The following SLC25A24 variants were observed in gnomAD, a reference collection of about 807,000 sequenced individuals.
The protein encoded by SLC25A24 is mitochondrial adenyl nucleotide antiporter SLC25A24.
A neutral mutation model predicts 60.7 loss-of-function variants in SLC25A24; 49 were observed. The observed-to-expected ratio is 0.81, with a 90% CI of 0.64 to 1.02. The LOEUF (loss-of-function observed/expected upper bound fraction) is 1.02, where lower values mean the gene tolerates loss of function less well. SLC25A24 is among the 50% of genes least tolerant of loss of function. SLC25A24 has a pLI of 0.00. For missense variants in SLC25A24, 564 were observed against 586.3 expected (o/e 0.96, Z 0.39); for synonymous variants, 202 against 200.6 (o/e 1.01, Z -0.06).
intron 8 of SLC25A24, among the ~76,000 whole-genome samples, chr1:108,141,232 A>G (rs974735635): frequency 6.6e-6 from 1 of 152,196 alleles, no homozygotes; most frequent in Non-Finnish European, 1.5e-5. Context: ...TCACTTTACC[A>G]GGAAGAAATT....
intron 3 of SLC25A24, among the ~76,000 whole-genome samples, chr1:108,178,059 A>T (rs1647755929): frequency 6.6e-6 from 1 of 152,124 alleles, no homozygotes; most frequent in Non-Finnish European, 1.5e-5. Flanking sequence ...GCGACTCGGG[A>T]GGCTGAGGCA....
At chr1:108,197,201 C>T (rs1473379584) in intron 1 of SLC25A24, among the ~76,000 whole-genome samples, 1 of 152,138 alleles carries the variant, frequency 6.6e-6, no homozygotes, top group African/African-American at 2.4e-5. Context: ...TTCTGGAACA[C>T]TTAGTAATGG....
chr1:108,182,168 T>C lies in SLC25A24; in HGVS notation c.311-140A>G. On this transcript the variant is annotated intron_variant, in intron 2 of 9. Transcript: ENST00000565488. Reference sequence around the variant, plus strand: ...TGTGCATGTAGGTGAGTTATAGACTTGCTTAAATGCCTATCCCAACATCAA... The same window carrying C: ...TGTGCATGTAGGTGAGTTATAGACTCGCTTAAATGCCTATCCCAACATCAA... The C allele has an allele frequency of 5.3e-6, 3 of 564,868 alleles. 1 individual carries two copies. Among genetic ancestry groups the C allele is most frequent in the Non-Finnish European group, 9.5e-6 (3 of 314,376 alleles). 35.0% of individuals were successfully genotyped at this position (564,868 alleles called of 1,614,324 possible). A position where few individuals can be genotyped will look rare whatever the true frequency, so the allele number is the denominator to read the frequency against.
rs1679276499 is a variant in SLC25A24, at chr1:108,136,159, A to G, written c.*494T>C. 6.6e-6 allele frequency: 1 copy of G among 152,446 alleles called. No individual in the cohort carries two copies. The highest frequency in any genetic ancestry group is 2.1e-4 in the South Asian group (1 of 4,838). 9.4% of individuals were successfully genotyped at this position (152,446 alleles called of 1,614,324 possible). On this transcript the variant is annotated 3_prime_UTR_variant, in exon 10 of 10. Transcript: ENST00000565488. ...AAATAAGGACATAAACCCTATACTT[A>G]TTTGGATGCTTTTGCTGTAAGGTAT...
At chr1:108,171,865 T>G (rs148333180) in intron 3 of SLC25A24, among the ~76,000 whole-genome samples, 28 of 152,356 alleles carry the variant, frequency 1.8e-4, no homozygotes, top group African/African-American at 6.7e-4. Flanking sequence ...AATTTTGTTA[T>G]AGTCACAAGA....
At chr1:108,198,859 TTGGACATGG>T (rs1252624841) in intron 1 of SLC25A24, 1 of 152,238 alleles carries the variant, frequency 6.6e-6, no homozygotes, top group Non-Finnish European at 1.5e-5. Context: ...CAGCCAATGA[TTGGACATGG>T]TGGGGAACTC....
At position 108,143,718 on chromosome 1, in the gene SLC25A24, T is replaced by TAA; in HGVS notation, c.931-10_931-9dup. On this transcript the variant is annotated splice_polypyrimidine_tract_variant and intron_variant, in intron 7 of 9. Coordinates refer to ENST00000565488, the MANE Select transcript of SLC25A24 (RefSeq NM_013386.5). ...CAGCCTGGTTTTCATAACCTGGATA[T>TAA]AAAAAAAAACAAAATATGATTGTTC... 4 of 1,577,006 alleles carry TAA rather than the reference T, an allele frequency of 2.5e-6. No homozygotes were observed. The highest frequency in any genetic ancestry group is 1.4e-5 in the African/African-American group (1 of 72,828).
intron 1 of SLC25A24, among the ~76,000 whole-genome samples, chr1:108,189,119 C>T (rs758716225): frequency 2.6e-5 from 4 of 152,172 alleles, no homozygotes; most frequent in Admixed American, 1.3e-4. Context: ...TTTTCACTAA[C>T]ATTTTGGAAG....
intron 6 of SLC25A24, among the ~76,000 whole-genome samples, chr1:108,151,002 A>AC (rs1394183399): frequency 1.5e-5 from 1 of 65,870 alleles, no homozygotes; most frequent in African/African-American, 6.0e-5. Flanking sequence ...GGAGTTTGAA[A>AC]CCAGCCTGGC....
At chr1:108,192,438 G>A in intron 1 of SLC25A24, 6 of 1,286,238 alleles carry the variant, frequency 4.7e-6, no homozygotes, top group Non-Finnish European at 6.5e-6. Flanking sequence ...TCTGCCCAAT[G>A]CCTCTCCAGG....
Position 108,139,217 on chromosome 1 carries a change from GAAAT to G in SLC25A24, c.1099-13_1099-10del. Reference sequence around the variant, plus strand: ...CAATAGGACTTCAAGAGCTGCCAGAGAAATAAAGAAGAAAATAATTAACGAACTC... The same window carrying G: ...CAATAGGACTTCAAGAGCTGCCAGAGAAAGAAGAAAATAATTAACGAACTC... On this transcript the variant is annotated splice_polypyrimidine_tract_variant and intron_variant, in intron 8 of 9. Coordinates refer to ENST00000565488, the MANE Select transcript of SLC25A24 (RefSeq NM_013386.5). 3 of 1,579,030 alleles carry G rather than the reference GAAAT, an allele frequency of 1.9e-6. No homozygotes were observed. The highest frequency in any genetic ancestry group is 2.6e-6 in the Non-Finnish European group (3 of 1,166,276).
rs1346646532 is a variant in SLC25A24 at position 108,193,282 on chromosome 1, C to G, written c.183+6674G>C. Among the ~76,000 whole-genome samples the G allele has an allele frequency of 2.9e-5, 4 of 137,912 alleles. 1 individual carries two copies. The highest frequency in any genetic ancestry group is 1.0e-4 in the African/African-American group (4 of 39,746). 90.5% of individuals were successfully genotyped at this position (137,912 alleles called of 152,430 possible). On this transcript the variant is annotated intron_variant, in intron 1 of 9. Coordinates refer to ENST00000565488, the MANE Select transcript of SLC25A24 (RefSeq NM_013386.5). ...TTTGAGCTCCTAATCGTGCCATCAC[C>G]CAGGTTGTGAACAAAGTACCCAGTA...
intron 5 of SLC25A24, 77 bp downstream of exon 5, chr1:108,157,385 T>G: frequency 2.1e-6 from 3 of 1,462,870 alleles, no homozygotes; most frequent in Non-Finnish European, 2.8e-6. Context: ...ATTTTAAAAC[T>G]TCTTTTTCAA....
intron 1 of SLC25A24, chr1:108,199,699 C>T: frequency 3.7e-6 from 2 of 544,102 alleles, no homozygotes; most frequent in Admixed American, 7.0e-5. Context: ...TAACAGTGCC[C>T]GTGGGCCAGA....
intron 4 of SLC25A24, among the ~76,000 whole-genome samples, chr1:108,159,724 T>G (rs906122677): frequency 7.2e-5 from 11 of 151,782 alleles, no homozygotes; most frequent in African/African-American, 2.7e-4. Context: ...TGCACCGCCC[T>G]TAATCCATTT....
intron 3 of SLC25A24, among the ~76,000 whole-genome samples, chr1:108,176,128 A>G (rs768952063): frequency 2.0e-5 from 3 of 152,184 alleles, no homozygotes. Context: ...ATTCAATGAA[A>G]TTAGGAAAAT....
Position 108,200,269 on chromosome 1 carries a change from G to A in SLC25A24, c.-131C>T. On this transcript the variant is annotated 5_prime_UTR_variant, in exon 1 of 10. Transcript: ENST00000565488. ...CAACAGCGTTTGGGGCGCCGTCGGG[G>A]TTGCGGCTGCGGCGCGCAGGGCGCA... 12 of 887,790 alleles carry A rather than the reference G, an allele frequency of 1.4e-5. No individual in the cohort carries two copies. The highest frequency in any genetic ancestry group is 3.4e-5 in the East Asian group (1 of 29,264). The allele number at this position is 887,790 out of a possible 1,614,324, so 55.0% of individuals were successfully genotyped here.
intron 9 of SLC25A24, among the ~76,000 whole-genome samples, chr1:108,137,356 A>C (rs1460163731): frequency 6.6e-6 from 1 of 152,186 alleles, no homozygotes; most frequent in Non-Finnish European, 1.5e-5. Flanking sequence ...CTTGGGAAAA[A>C]GCACAAAGAC....
chr1:108,200,121 C>T lies in SLC25A24; in HGVS notation c.18G>A (p.Arg6=). The T allele has an allele frequency of 6.4e-7, 1 of 1,558,146 alleles. No individual in the cohort carries two copies. MLRWL[R]DFVLPTAACQ... is the part of the protein sequence containing the mutation. ...AGGCCGCGGTGGGCAGCACGAAGTC[C>T]CGCAGCCAGCGCAACATGGTCCCAG... Residue 6 remains arginine (R), a synonymous_variant, in exon 1 of 10, where the codon CGG becomes CGA. Coordinates refer to ENST00000565488, the MANE Select transcript of SLC25A24 (RefSeq NM_013386.5).
Sources: gnomAD v4.1 joint callset for allele counts (sites outside exome capture counted in the v4.1 genomes callset) on GRCh38, gnomAD v4.1.1 for gene constraint, MANE v1.5 for transcripts, NCBI Gene and HGNC (gene_info 2026-07-23, HGNC 2026-07-21) for gene names.